HS6ST2: variants seen among roughly 807,000 people sequenced by gnomAD.
The protein encoded by HS6ST2 is heparan sulfate 6-O-sulfotransferase 2, also known as heparan-sulfate 6-O-sulfotransferase 2.
Under a neutral mutation model 33.0 loss-of-function variants are expected in HS6ST2, and 17 were observed. The observed-to-expected ratio is 0.52, with a 90% CI of 0.35 to 0.77. The LOEUF (loss-of-function observed/expected upper bound fraction) is 0.77, where lower values mean the gene tolerates loss of function less well. HS6ST2 is among the 30% of genes least tolerant of loss of function. The pLI, the probability that HS6ST2 is intolerant of heterozygous loss-of-function variation, is 0.01. For missense variants in HS6ST2, 519 were observed against 551.7 expected, an observed-to-expected ratio of 0.94 and a Z score of 0.59; for synonymous variants, 248 against 237.1, an observed-to-expected ratio of 1.05 and a Z score of -0.42.
At chrX:132,637,681 C>A (rs2063558155) in intron 4 of HS6ST2, among the ~76,000 whole-genome samples, 1 of 89,877 alleles carries the variant, frequency 1.1e-5, no homozygotes, top group African/African-American at 4.1e-5. Flanking sequence ...AATTCTTATC[C>A]CAAATCAATA....
intron 4 of HS6ST2, among the ~76,000 whole-genome samples, chrX:132,636,697 T>A (rs190002607): frequency 9.0e-5 from 10 of 111,555 alleles, no homozygotes; most frequent in African/African-American, 3.3e-4. Context: ...CTGAGAGAAC[T>A]ATTTCTGGGC....
intron 2 of HS6ST2, among the ~76,000 whole-genome samples, chrX:132,716,066 A>G (rs1281046351): frequency 8.9e-6 from 1 of 112,028 alleles, no homozygotes; most frequent in Non-Finnish European, 1.9e-5. Context: ...GATCCAGTCA[A>G]TTCTCAGTTG....
At chrX:132,640,382 G>A (rs2063593834) in intron 4 of HS6ST2, among the ~76,000 whole-genome samples, 1 of 111,147 alleles carries the variant, frequency 9.0e-6, no homozygotes, top group Admixed American at 9.6e-5. Flanking sequence ...TGCGTGTATG[G>A]TGGTGGGGTG....
chrX:132,933,607 C>T (rs185909123), intron 2 of HS6ST2, among the ~76,000 whole-genome samples: 3 of 111,371 alleles, frequency 2.7e-5, no homozygotes, highest in East Asian at 5.6e-4. Context: ...TTAATCTACA[C>T]GTGCAAGTAG....
intron 2 of HS6ST2, among the ~76,000 whole-genome samples, chrX:132,776,717 C>T (rs1039458047): frequency 4.0e-4 from 44 of 109,911 alleles, no homozygotes; most frequent in African/African-American, 1.5e-3. Context: ...CCACTATCTG[C>T]ATTCCTCTCC....
chrX:132,861,380 G>T (rs1170185070), intron 2 of HS6ST2, among the ~76,000 whole-genome samples: 1 of 111,505 alleles, frequency 9.0e-6, no homozygotes, highest in Admixed American at 9.5e-5. Context: ...TACTTTAAAG[G>T]TTTGATGGTA....
At chrX:132,737,759 C>A (rs1461391463) in intron 2 of HS6ST2, among the ~76,000 whole-genome samples, 1 of 112,560 alleles carries the variant, frequency 8.9e-6, no homozygotes. Context: ...ATACCCTGCC[C>A]CCACTAGGGC....
intron 2 of HS6ST2, among the ~76,000 whole-genome samples, chrX:132,925,576 G>T (rs977724998): frequency 9.0e-6 from 1 of 111,612 alleles, no homozygotes; most frequent in East Asian, 2.8e-4. Context: ...ATTGGTCTCT[G>T]TCGGAAAAAT....
rs1249224274 is a variant in HS6ST2, at chrX:132,860,046, GAT to G, written c.947+96760_947+96761del. Among the ~76,000 whole-genome samples, 7 of 111,528 alleles carry G rather than the reference GAT, an allele frequency of 6.3e-5. No individual in the cohort carries two copies. In the East Asian group the frequency reaches 2.0e-3, roughly 32 times the overall value. ...GGAGAAGCCAAACCAATGCCTTCCAGATCATTATGCATTTACCATATTTATTG... is the reference window on the plus strand; with the variant it reads ...GGAGAAGCCAAACCAATGCCTTCCAGCATTATGCATTTACCATATTTATTG... On this transcript the variant is annotated intron_variant, in intron 2 of 4. Transcript: ENST00000370833.
intron 2 of HS6ST2, among the ~76,000 whole-genome samples, chrX:132,736,543 G>T (rs1569485172): frequency 8.9e-6 from 1 of 111,801 alleles, no homozygotes; most frequent in Non-Finnish European, 1.9e-5. Flanking sequence ...CAGGGTCTCT[G>T]CCAGGGGTGG....
chrX:132,846,160 G>A (rs1201270770), intron 2 of HS6ST2, among the ~76,000 whole-genome samples: 3 of 112,256 alleles, frequency 2.7e-5, no homozygotes, highest in African/African-American at 9.7e-5. Flanking sequence ...ATTTAACCAG[G>A]TAAAAACCAT....
intron 2 of HS6ST2, among the ~76,000 whole-genome samples, chrX:132,840,397 C>T (rs1254675978): frequency 9.1e-6 from 1 of 110,231 alleles, no homozygotes; most frequent in African/African-American, 3.3e-5. Flanking sequence ...CCTCCCCACT[C>T]TCCCTTTCTC....
chrX:132,705,640 C>A (rs1403074793), intron 3 of HS6ST2, among the ~76,000 whole-genome samples: 1 of 111,822 alleles, frequency 8.9e-6, no homozygotes, highest in South Asian at 3.8e-4. Flanking sequence ...TCAAAACAAG[C>A]CTATATACTG....
At chrX:132,825,675 G>C (rs978728103) in intron 2 of HS6ST2, among the ~76,000 whole-genome samples, 9 of 111,814 alleles carry the variant, frequency 8.0e-5, no homozygotes, top group African/African-American at 2.9e-4. Flanking sequence ...AAAATGCAAA[G>C]AATTTGATAC....
chrX:132,880,749 G>T (rs1165338840), intron 2 of HS6ST2, among the ~76,000 whole-genome samples: 4 of 105,732 alleles, frequency 3.8e-5, no homozygotes, highest in Non-Finnish European at 7.8e-5. Flanking sequence ...TTTACATTAG[G>T]TATATCTCCT....
At chrX:132,870,251 T>C (rs1291936703) in intron 2 of HS6ST2, among the ~76,000 whole-genome samples, 7 of 111,176 alleles carry the variant, frequency 6.3e-5, no homozygotes. Context: ...CAAACCACTG[T>C]TCAAGGAAAT....
chrX:132,912,376 C>G (rs1406598133), intron 2 of HS6ST2, among the ~76,000 whole-genome samples: 2 of 112,588 alleles, frequency 1.8e-5, no homozygotes, highest in Non-Finnish European at 3.7e-5. Context: ...TGGTCCTAAC[C>G]TGGGACCACT....
intron 2 of HS6ST2, among the ~76,000 whole-genome samples, chrX:132,742,640 G>GT (rs1314717502): frequency 1.8e-5 from 2 of 112,295 alleles, no homozygotes; most frequent in South Asian, 3.7e-4. Flanking sequence ...TGCAATACAG[G>GT]TTTTTTGTGT....
chrX:132,894,525 GTTAT>G (rs1490472967), intron 2 of HS6ST2, among the ~76,000 whole-genome samples: 5 of 90,214 alleles, frequency 5.5e-5, no homozygotes, highest in African/African-American at 1.7e-4. Context: ...GTTATGTTAT[GTTAT>G]TTATTTTGAT....
Sources: allele counts gnomAD v4.1 joint callset (sites outside exome capture counted in the v4.1 genomes callset), GRCh38; gene constraint gnomAD v4.1.1; transcripts MANE v1.5; gene names NCBI Gene and HGNC (gene_info 2026-07-23, HGNC 2026-07-21).